Variants in CNTN4 observed in about 807,000 individuals in gnomAD.
CNTN4 encodes the protein contactin-4.
A neutral mutation model predicts 122.5 loss-of-function variants in CNTN4; 77 were observed. The observed-to-expected ratio is 0.63, with a 90% CI of 0.52 to 0.76. CNTN4 has a LOEUF of 0.76. Among genes scored for constraint, CNTN4 ranks in the 30% least tolerant of loss-of-function variants. CNTN4 has a pLI of 0.00. For synonymous variants in CNTN4, 512 were observed against 447.0 expected (o/e 1.15, Z -1.83); for missense variants, 1,256 against 1,259.1 (o/e 1.00, Z 0.04).
At chr3:2,280,049 G>A (rs1261064745) in intron 2 of CNTN4, among the ~76,000 whole-genome samples, 2 of 151,984 alleles carry the variant, frequency 1.3e-5, no homozygotes, top group African/African-American at 2.4e-5. Context: ...TGACCTACAA[G>A]TATTCTTTTT....
chr3:2,399,136 T>C (rs2046748357), intron 3 of CNTN4, among the ~76,000 whole-genome samples: 1 of 151,926 alleles, frequency 6.6e-6, no homozygotes, highest in Non-Finnish European at 1.5e-5. Context: ...ATAATATCCT[T>C]TAGGTTAGAG....
At chr3:2,626,196 A>C (rs1904396) in intron 4 of CNTN4, among the ~76,000 whole-genome samples, 2 of 151,898 alleles carry the variant, frequency 1.3e-5, no homozygotes, top group African/African-American at 4.8e-5. Flanking sequence ...AGTTGAGCCC[A>C]TTAAGTTTTT....
chr3:2,370,401 A>C (rs2045587419), intron 3 of CNTN4, among the ~76,000 whole-genome samples: 1 of 152,162 alleles, frequency 6.6e-6, no homozygotes, highest in African/African-American at 2.4e-5. Context: ...AATGATTTAC[A>C]AAAAAACTGG....
intron 8 of CNTN4, among the ~76,000 whole-genome samples, chr3:2,869,764 G>T (rs4491885): frequency 0.72 from 109,202 of 151,474 alleles, 39,869 homozygotes; most frequent in Middle Eastern, 0.83. Context: ...CTTGCCACAT[G>T]GCAAATGTTA....
At chr3:2,178,963 T>C (rs1478700823) in intron 2 of CNTN4, among the ~76,000 whole-genome samples, 1 of 152,028 alleles carries the variant, frequency 6.6e-6, no homozygotes, top group Non-Finnish European at 1.5e-5. Context: ...CTGAGTAAAG[T>C]AGATTTATGA....
intron 3 of CNTN4, among the ~76,000 whole-genome samples, chr3:2,567,057 G>A (rs964068983): frequency 4.0e-5 from 6 of 150,548 alleles, no homozygotes; most frequent in South Asian, 2.1e-4. Flanking sequence ...CACCCTCCTC[G>A]TAGACTTCAG....
intron 6 of CNTN4, among the ~76,000 whole-genome samples, chr3:2,815,912 T>A (rs2092716097): frequency 7.1e-6 from 1 of 141,416 alleles, no homozygotes; most frequent in South Asian, 2.1e-4. Flanking sequence ...TATGTAGCCA[T>A]AAAAAGGATG....
At chr3:2,245,079 C>A (rs927083171) in intron 2 of CNTN4, among the ~76,000 whole-genome samples, 28 of 152,032 alleles carry the variant, frequency 1.8e-4, no homozygotes, top group African/African-American at 6.5e-4. Flanking sequence ...ATGTTAAATA[C>A]CCTGAGAAGT....
chr3:2,226,760 G>A (rs1296748658), intron 2 of CNTN4, among the ~76,000 whole-genome samples: 1 of 152,022 alleles, frequency 6.6e-6, no homozygotes, highest in African/African-American at 2.4e-5. Context: ...CTATGAAAAT[G>A]CAAGTATTAT....
chr3:2,234,997 A>G (rs2039626339), intron 2 of CNTN4, among the ~76,000 whole-genome samples: 2 of 152,192 alleles, frequency 1.3e-5, no homozygotes, highest in South Asian at 2.1e-4. Flanking sequence ...AAAAAAGGCC[A>G]TACTTGGAAA....
intron 2 of CNTN4, among the ~76,000 whole-genome samples, chr3:2,191,874 C>T (rs1575047077): frequency 1.3e-5 from 2 of 151,796 alleles, no homozygotes; most frequent in East Asian, 1.9e-4. Flanking sequence ...TGCTATGCCT[C>T]CCCCCTCCCC....
intron 12 of CNTN4, among the ~76,000 whole-genome samples, chr3:2,910,639 G>A (rs1224345423): frequency 1.3e-5 from 2 of 152,238 alleles, no homozygotes; most frequent in African/African-American, 4.8e-5. Context: ...TATTGTAAAT[G>A]TATTTACTAC....
intron 2 of CNTN4, among the ~76,000 whole-genome samples, chr3:2,237,713 G>C (rs145634055): frequency 1.3e-5 from 2 of 152,178 alleles, no homozygotes; most frequent in Non-Finnish European, 2.9e-5. Flanking sequence ...GAAATGGTAA[G>C]TGATAAGAAG....
At chr3:3,040,409 C>T (rs544460596) in intron 20 of CNTN4, 138 bp downstream of exon 20, 2 of 725,866 alleles carry the variant, frequency 2.8e-6, no homozygotes, top group Non-Finnish European at 4.8e-6. Flanking sequence ...ATAATGTAAA[C>T]AATTTGGTTC....
At chr3:2,454,971 G>T (rs2048944293) in intron 3 of CNTN4, among the ~76,000 whole-genome samples, 1 of 152,244 alleles carries the variant, frequency 6.6e-6, no homozygotes, top group South Asian at 2.1e-4. Context: ...AAGAGTCTTT[G>T]ATTATAAATA....
chr3:2,615,275 GAGAAAAGCAACTAATTAACAAGCAACC>G (rs2081667969), intron 4 of CNTN4, among the ~76,000 whole-genome samples: 1 of 152,172 alleles, frequency 6.6e-6, no homozygotes, highest in South Asian at 2.1e-4. Flanking sequence ...GCTAATCAAT[GAGAAAAGCAACTAATTAACAAGCAACC>G]AGTCAGCATT....
intron 3 of CNTN4, among the ~76,000 whole-genome samples, chr3:2,374,978 G>C (rs1369421201): frequency 6.6e-6 from 1 of 152,108 alleles, no homozygotes; most frequent in Non-Finnish European, 1.5e-5. Context: ...TTTTAGCAAA[G>C]TCCCAATCCA....
chr3:2,975,976 C>T (rs1241837032), intron 13 of CNTN4, among the ~76,000 whole-genome samples: 1 of 152,160 alleles, frequency 6.6e-6, no homozygotes. Context: ...TTAGTGGAAA[C>T]ATGGAGATCT....
At chr3:2,340,710 T>TATATATATAGAGAGAG in intron 3 of CNTN4, among the ~76,000 whole-genome samples, 14 of 18,304 alleles carry the variant, frequency 7.6e-4, no homozygotes, top group Admixed American at 2.4e-3. Context: ...TATATATATA[T>TATATATATAGAGAGAG]AGAGAGAGAG....
Sources: allele counts gnomAD v4.1 joint callset (sites outside exome capture counted in the v4.1 genomes callset), GRCh38; gene constraint gnomAD v4.1.1; transcripts MANE v1.5; gene names NCBI Gene and HGNC (gene_info 2026-07-23, HGNC 2026-07-21).